DPP6: variants seen among roughly 807,000 people sequenced by gnomAD.
DPP6 encodes dipeptidyl peptidase like 6, also known as A-type potassium channel modulatory protein DPP6.
In DPP6, 69 loss-of-function variants were observed where a neutral mutation model predicts 122.6. That is an observed-to-expected ratio of 0.56 (90% CI 0.46 to 0.69). The LOEUF (loss-of-function observed/expected upper bound fraction) is 0.69, where lower values mean the gene tolerates loss of function less well. DPP6 is among the 30% of genes least tolerant of loss of function. The pLI is 0.00. For missense variants in DPP6, 928 were observed against 1,116.9 expected (o/e 0.83, Z 2.41); for synonymous variants, 418 against 433.1 (o/e 0.97, Z 0.43).
At chr7:154,363,725 A>C (rs1811927064) in intron 1 of DPP6, among the ~76,000 whole-genome samples, 1 of 152,198 alleles carries the variant, frequency 6.6e-6, no homozygotes, top group Admixed American at 6.5e-5. Context: ...AAATGCTTTC[A>C]TTTGAACATT....
intron 1 of DPP6, among the ~76,000 whole-genome samples, chr7:153,972,079 T>C (rs1317559776): frequency 6.6e-6 from 1 of 151,236 alleles, no homozygotes; most frequent in Non-Finnish European, 1.5e-5. Context: ...AGAGTAAATC[T>C]AGTCCCTGTT....
chr7:154,340,149 T>C (rs777553852), intron 1 of DPP6, among the ~76,000 whole-genome samples: 10 of 152,138 alleles, frequency 6.6e-5, no homozygotes, highest in Non-Finnish European at 1.2e-4. Context: ...TCTTAGTTGG[T>C]TAAGATTGAT....
intron 25 of DPP6, chr7:154,890,637 C>T (rs1305157643): frequency 6.6e-6 from 1 of 152,238 alleles, no homozygotes; most frequent in Admixed American, 6.5e-5. Context: ...TCGCTGCAGG[C>T]TCCATGGGTA....
chr7:153,803,372 C>T, the DPP6 span, among the ~76,000 whole-genome samples: 20 of 151,426 alleles, frequency 1.3e-4, no homozygotes, highest in African/African-American at 4.9e-4. Context: ...AGAGCCTTCC[C>T]CAATCCATTG....
chr7:154,889,166 GT>G, intron 23 of DPP6, 105 bp from the exon 24 acceptor site: 1 of 1,477,832 alleles, frequency 6.8e-7, no homozygotes, highest in Non-Finnish European at 9.0e-7. Flanking sequence ...GGAACTTAGT[GT>G]TTTCAATACA....
chr7:154,404,011 T>C (rs1239245204), intron 1 of DPP6, among the ~76,000 whole-genome samples: 1 of 152,240 alleles, frequency 6.6e-6, no homozygotes, highest in Non-Finnish European at 1.5e-5. Flanking sequence ...GGATATTGTA[T>C]GGATGTTATT....
At chr7:153,794,823 G>A in the DPP6 span, among the ~76,000 whole-genome samples, 1 of 152,162 alleles carries the variant, frequency 6.6e-6, no homozygotes, top group Non-Finnish European at 1.5e-5. Flanking sequence ...TCATAATAGT[G>A]AATAAGTCTT....
intron 7 of DPP6, among the ~76,000 whole-genome samples, chr7:154,711,446 T>C (rs553260453): frequency 3.3e-5 from 5 of 152,366 alleles, no homozygotes; most frequent in African/African-American, 1.2e-4. Flanking sequence ...ACTAATTAAT[T>C]TGCTGAATAT....
the DPP6 span, among the ~76,000 whole-genome samples, chr7:153,879,985 T>C: frequency 6.6e-6 from 1 of 152,176 alleles, no homozygotes. Flanking sequence ...TTTTTCTTTC[T>C]TTTGAAATAA....
chr7:153,892,515 CGTTGGTCAGGCTG>C (rs1563211818), intron 1 of DPP6, among the ~76,000 whole-genome samples: 1 of 152,000 alleles, frequency 6.6e-6, no homozygotes, highest in Admixed American at 6.6e-5. Context: ...GGTTTTGCCA[CGTTGGTCAGGCTG>C]GTCTCAAACT....
At chr7:154,793,889 G>C (rs952005352) in intron 10 of DPP6, 190 bp from the exon 11 acceptor site, 2 of 798,536 alleles carry the variant, frequency 2.5e-6, no homozygotes, top group African/African-American at 1.8e-5. Context: ...ATGACTGGGC[G>C]GCCCCTCAGA....
chr7:154,340,435 C>A (rs1177779373), intron 1 of DPP6, among the ~76,000 whole-genome samples: 3 of 152,194 alleles, frequency 2.0e-5, no homozygotes, highest in Non-Finnish European at 4.4e-5. Context: ...GCTTTCAGCA[C>A]ATTGCTGTGT....
At chr7:154,607,561 CAAAA>C (rs1162220684) in intron 5 of DPP6, among the ~76,000 whole-genome samples, 8 of 22,380 alleles carry the variant, frequency 3.6e-4, no homozygotes, top group Admixed American at 2.1e-3. Flanking sequence ...GACTCTGTCT[CAAAA>C]AAAAAAAAAA....
intron 5 of DPP6, among the ~76,000 whole-genome samples, chr7:154,622,371 C>A (rs577396914): frequency 6.6e-6 from 1 of 152,292 alleles, no homozygotes; most frequent in African/African-American, 2.4e-5. Flanking sequence ...GGTGGAGGCC[C>A]AATTGACCCT....
At chr7:154,058,924 G>T (rs1374937148) in intron 1 of DPP6, 5 of 150,658 alleles carry the variant, frequency 3.3e-5, no homozygotes, top group Non-Finnish European at 7.3e-5. Flanking sequence ...TCCGCCCCTG[G>T]CTGTTAGTAC....
At chr7:154,228,148 C>T (rs914263154) in intron 1 of DPP6, among the ~76,000 whole-genome samples, 2 of 152,078 alleles carry the variant, frequency 1.3e-5, no homozygotes, top group African/African-American at 4.8e-5. Context: ...TTTTGTACTC[C>T]AGGAATTCCC....
chr7:154,715,984 A>T lies in DPP6; in HGVS notation c.763-11783A>T, dbSNP rs184114297. On this transcript the variant is annotated intron_variant, in intron 7 of 25. Coordinates refer to ENST00000377770, the MANE Select transcript of DPP6 (RefSeq NM_130797.4). Reference sequence around the variant, plus strand: ...TACATTCTGTCACCTAGGTGTGAGGATGAGAAATCATATTTATTTCCTTCT... The same window carrying T: ...TACATTCTGTCACCTAGGTGTGAGGTTGAGAAATCATATTTATTTCCTTCT... Among the ~76,000 whole-genome samples the T allele has an allele frequency of 1.8e-3, 278 of 152,286 alleles. 3 individuals are homozygous for T. The highest frequency in any genetic ancestry group is 2.5e-3 in the Non-Finnish European group (172 of 68,022).
Position 154,863,107 on chromosome 7 carries a change from G to T in DPP6, c.1715-4888G>T, listed in dbSNP as rs1054993418. 6.6e-6 allele frequency among the ~76,000 whole-genome samples: 1 copy of T among 151,968 alleles called. No homozygotes were observed. Among genetic ancestry groups the T allele is most frequent in the Non-Finnish European group, 1.5e-5 (1 of 68,006 alleles). The stretch of plus-strand genomic sequence containing the variant: ...TGGAGAGATCAGGTCTCCCTATGTT[G>T]CCCAGGCTGGTCTCGGACTCCTGGA... On this transcript the variant is annotated intron_variant, in intron 17 of 25. Coordinates refer to ENST00000377770, the MANE Select transcript of DPP6 (RefSeq NM_130797.4). This position sits in a 1 kb window ranked among gnomAD's most constrained non-coding sequence, Gnocchi z 4.1.
At chr7:154,854,930 G>A (rs1038392490) in intron 17 of DPP6, among the ~76,000 whole-genome samples, 6 of 152,164 alleles carry the variant, frequency 3.9e-5, no homozygotes, top group Middle Eastern at 3.4e-3. Context: ...TCCACATTCA[G>A]GAACCCCTTC....
Sources: gnomAD v4.1 joint callset for allele counts (sites outside exome capture counted in the v4.1 genomes callset) on GRCh38, gnomAD v4.1.1 for gene constraint, Gnocchi (gnomAD v3.1) non-coding constraint, MANE v1.5 for transcripts, NCBI Gene and HGNC (gene_info 2026-07-23, HGNC 2026-07-21) for gene names.